The following EFHC1 variants were observed in gnomAD, a reference collection of about 807,000 sequenced individuals.
EFHC1 encodes the protein EF-hand domain containing 1.
In EFHC1, 53 loss-of-function variants were observed where a neutral mutation model predicts 69.9. The observed-to-expected ratio is 0.76, with a 90% confidence interval of 0.61 to 0.95. EFHC1 has a LOEUF of 0.95. Among genes scored for constraint, EFHC1 ranks in the 40% least tolerant of loss-of-function variants. The pLI, the probability that EFHC1 is intolerant of heterozygous loss-of-function variation, is 0.00. For missense variants in EFHC1, 739 were observed against 798.7 expected, an observed-to-expected ratio of 0.93 and a Z score of 0.90; for synonymous variants, 256 against 278.4, an observed-to-expected ratio of 0.92 and a Z score of 0.80.
intron 10 of EFHC1, 39 bp from the exon 11 acceptor site, chr6:52,492,231 G>T: frequency 2.5e-6 from 4 of 1,586,574 alleles, no homozygotes; most frequent in Non-Finnish European, 3.5e-6. Flanking sequence ...CGGAAGCCCT[G>T]CAGATCTGTC....
chr6:52,462,017 C>A (rs1765178605), intron 5 of EFHC1, among the ~76,000 whole-genome samples: 1 of 151,968 alleles, frequency 6.6e-6, no homozygotes, highest in South Asian at 2.1e-4. Flanking sequence ...TAAAACATTT[C>A]TTTCAATAGT....
chr6:52,423,681 T>A, intron 1 of EFHC1: 6 of 433,974 alleles, frequency 1.4e-5, no homozygotes, highest in South Asian at 8.6e-5. Flanking sequence ...TTTTTTTTTT[T>A]TTTAGTTTTT....
chr6:52,449,093 C>T (rs1581826849), intron 3 of EFHC1, among the ~76,000 whole-genome samples: 2 of 152,246 alleles, frequency 1.3e-5, no homozygotes, highest in Middle Eastern at 3.4e-3. Context: ...AGGAACAGTA[C>T]CAGCTCTTGG....
Position 52,431,648 on chromosome 6 carries a change from A to T in EFHC1, c.286-6656A>T, listed in dbSNP as rs61380745. Among the ~76,000 whole-genome samples the T allele has an allele frequency of 3.7e-3, 562 of 152,258 alleles. 4 individuals carry two copies. Among genetic ancestry groups the T allele is most frequent in the African/African-American group, 0.012 (516 of 41,518 alleles). ...TATGGTCTGTCTTGGAGAAAGTTCT[A>T]TGCGCTGTTGAATAGAATGTATATT... On this transcript the variant is annotated intron_variant, in intron 2 of 10. Coordinates refer to ENST00000371068, the MANE Select transcript of EFHC1 (RefSeq NM_018100.4).
rs578137116 is a variant in EFHC1, at chr6:52,445,069, T to A, written c.573+6478T>A. Among the ~76,000 whole-genome samples the A allele has an allele frequency of 3.3e-4, 50 of 150,716 alleles. No homozygotes were observed. In the South Asian group the frequency reaches 5.8e-3, roughly 18 times the overall value. ...CCATTTCCTCTAGATTTTCCAGTTT[T>A]TTTTTTTTTTGGTGTAGAGGTGTTT... On this transcript the variant is annotated intron_variant, in intron 3 of 10. Coordinates refer to ENST00000371068, the MANE Select transcript of EFHC1 (RefSeq NM_018100.4).
In EFHC1 at chr6:52,495,741, G is replaced by T. The variant is rs1766041538; in HGVS notation, c.*3400G>T. ...GTAGCTAGGCCTGTAGTCTCAGAGG[G>T]AACTGTCTTCAATAAAGTTGGCACT... On this transcript the variant is annotated 3_prime_UTR_variant, in exon 11 of 11. Coordinates refer to ENST00000371068, the MANE Select transcript of EFHC1 (RefSeq NM_018100.4). 1 of 378,586 alleles carries T rather than the reference G, an allele frequency of 2.6e-6. No individual in the cohort carries two copies. The allele number at this position is 378,586 out of a possible 1,614,324, so 23.5% of individuals were successfully genotyped here. A position where few individuals can be genotyped will look rare whatever the true frequency, so the allele number is the denominator to read the frequency against.
intron 9 of EFHC1, 24 bp from the exon 10 acceptor site, chr6:52,490,116 G>C: frequency 1.2e-6 from 2 of 1,607,184 alleles, no homozygotes; most frequent in Non-Finnish European, 8.5e-7. Flanking sequence ...ACCATGTGCA[G>C]TCATTTCCTT....
chr6:52,481,026 G>C (rs1200428082), intron 9 of EFHC1, among the ~76,000 whole-genome samples: 2 of 152,196 alleles, frequency 1.3e-5, no homozygotes, highest in East Asian at 3.8e-4. Flanking sequence ...TGGCTGTTTT[G>C]TTGAAAGTAG....
chr6:52,490,670 A>G, intron 10 of EFHC1: 1 of 550,698 alleles, frequency 1.8e-6, no homozygotes, highest in Non-Finnish European at 3.2e-6. Flanking sequence ...CTCAAAGATA[A>G]GTTGATAGAG....
At chr6:52,478,491 A>G (rs1166416993) in intron 7 of EFHC1, among the ~76,000 whole-genome samples, 3 of 152,216 alleles carry the variant, frequency 2.0e-5, no homozygotes, top group African/African-American at 7.2e-5. Flanking sequence ...CTTTGATTTT[A>G]TATTACTCTT....
intron 1 of EFHC1, 145 bp from the exon 2 acceptor site, chr6:52,423,801 C>T (rs1456744785): frequency 6.5e-7 from 1 of 1,534,210 alleles, no homozygotes; most frequent in South Asian, 1.2e-5. Flanking sequence ...CCACCATGCC[C>T]AGCCTTAATG....
In EFHC1 at chr6:52,420,371, A is replaced by G. The variant is rs1369491047; in HGVS notation, c.-40A>G. On this transcript the variant is annotated 5_prime_UTR_variant, in exon 1 of 11. Coordinates refer to ENST00000371068, the MANE Select transcript of EFHC1 (RefSeq NM_018100.4). ...CTTGTCGCCTGGGCAACCGGAGAGG[A>G]CGAAGCAGGACCTAGGTGGCGGCGG... The G allele has an allele frequency of 6.2e-7, 1 of 1,614,058 alleles. No individual in the cohort carries two copies.
chr6:52,454,649 A>C (rs558249244), intron 5 of EFHC1, among the ~76,000 whole-genome samples: 3 of 152,172 alleles, frequency 2.0e-5, no homozygotes, highest in Non-Finnish European at 4.4e-5. Flanking sequence ...TTTTCTTTAT[A>C]TGCTTTCCTG....
In EFHC1 at chr6:52,493,946, C is replaced by T. The variant is rs1765979737; in HGVS notation, c.*1605C>T. ...CCTTGGTGTTTCCTTCCCTAACGAG[C>T]TCAGCCACTTGTAACCAGCTTATTG... On this transcript the variant is annotated 3_prime_UTR_variant, in exon 11 of 11. Coordinates refer to ENST00000371068, the MANE Select transcript of EFHC1 (RefSeq NM_018100.4). 2.2e-6 allele frequency: 1 copy of T among 453,960 alleles called. No homozygotes were observed. The highest frequency in any genetic ancestry group is 1.6e-5 in the South Asian group (1 of 64,478). The allele number at this position is 453,960 out of a possible 1,614,324, so 28.1% of individuals were successfully genotyped here. A position where few individuals can be genotyped will look rare whatever the true frequency, so the allele number is the denominator to read the frequency against.
rs1238969944 is a variant in EFHC1 at position 52,494,086 on chromosome 6, A to ATT, written c.*1746_*1747insTT. On this transcript the variant is annotated 3_prime_UTR_variant, in exon 11 of 11. Coordinates refer to ENST00000371068, the MANE Select transcript of EFHC1 (RefSeq NM_018100.4). The stretch of plus-strand genomic sequence containing the variant: ...GTCGCTCATAACTATTTAAAACAGT[A>ATT]TCTCTTTCAAGTACAGATGCTCCTC... The ATT allele has an allele frequency of 1.2e-5, 4 of 335,778 alleles. No homozygotes were observed. In the Admixed American group the frequency reaches 1.3e-4, roughly 11 times the overall value. The allele number at this position is 335,778 out of a possible 1,614,324, so 20.8% of individuals were successfully genotyped here.
At chr6:52,486,602 A>C (rs1459376669) in intron 9 of EFHC1, 2 of 152,182 alleles carry the variant, frequency 1.3e-5, no homozygotes, top group East Asian at 3.9e-4. Context: ...TTCTTTAAGG[A>C]GATAGAAGTA....
chr6:52,471,205 G>T (rs1431116315), intron 7 of EFHC1, among the ~76,000 whole-genome samples: 5 of 152,226 alleles, frequency 3.3e-5, no homozygotes, highest in African/African-American at 4.8e-5. Context: ...TTTAGGGCCT[G>T]TCAAAGGCAG....
intron 5 of EFHC1, among the ~76,000 whole-genome samples, chr6:52,459,342 G>C (rs1444235305): frequency 6.6e-6 from 1 of 152,166 alleles, no homozygotes; most frequent in African/African-American, 2.4e-5. Flanking sequence ...CTTGTCATAG[G>C]ATATATAAAG....
chr6:52,493,330 G>C lies in EFHC1; in HGVS notation c.*989G>C, dbSNP rs1765952949. ...CTTGTAAGCCTTCATAATTGTGTGA[G>C]CAATTTCTTATAACTCTCTCTTTCT... is the stretch of plus-strand genomic sequence containing the variant. On this transcript the variant is annotated 3_prime_UTR_variant, in exon 11 of 11. Transcript: ENST00000371068. The C allele has an allele frequency of 2.6e-6, 1 of 389,650 alleles. No individual in the cohort carries two copies. Among genetic ancestry groups the C allele is most frequent in the African/African-American group, 2.6e-5 (1 of 38,350 alleles). 24.1% of individuals were successfully genotyped at this position (389,650 alleles called of 1,614,324 possible).
Sources: allele counts gnomAD v4.1 joint callset (sites outside exome capture counted in the v4.1 genomes callset), GRCh38; gene constraint gnomAD v4.1.1; transcripts MANE v1.5; gene names NCBI Gene and HGNC (gene_info 2026-07-23, HGNC 2026-07-21).